Variants in RAB3C observed in about 807,000 individuals in gnomAD.
RAB3C encodes ras-related protein Rab-3C.
A neutral mutation model predicts 26.4 loss-of-function variants in RAB3C; 17 were observed. The ratio of observed to expected loss-of-function variants is 0.64; its 90% confidence interval spans 0.44 to 0.97. The LOEUF is 0.97. RAB3C is among the 50% of genes least tolerant of loss of function. The pLI, the probability that RAB3C is intolerant of heterozygous loss-of-function variation, is 0.00. For synonymous variants in RAB3C, 91 were observed against 95.9 expected, an observed-to-expected ratio of 0.95 and a Z score of 0.30; for missense variants, 242 against 281.9, an observed-to-expected ratio of 0.86 and a Z score of 1.01.
chr5:58,822,704 A>G (rs1305263998), intron 3 of RAB3C: 2 of 449,414 alleles, frequency 4.5e-6, no homozygotes, highest in South Asian at 4.0e-5. Context: ...ACTTATGCCC[A>G]TATAGAAGGG....
chr5:58,762,680 A>T (rs1429973735), intron 3 of RAB3C, among the ~76,000 whole-genome samples: 3 of 152,188 alleles, frequency 2.0e-5, no homozygotes, highest in Non-Finnish European at 4.4e-5. Context: ...GACAAGAGTG[A>T]AACTCCGTCT....
chr5:58,597,079 A>ATATAATACATT (rs1561260515), intron 1 of RAB3C, among the ~76,000 whole-genome samples: 1 of 6,562 alleles, frequency 1.5e-4, no homozygotes, highest in African/African-American at 1.1e-3. Flanking sequence ...ATTATATAAT[A>ATATAATACATT]ATATATAATA....
At chr5:58,780,382 G>A (rs1246898813) in intron 3 of RAB3C, among the ~76,000 whole-genome samples, 2 of 152,144 alleles carry the variant, frequency 1.3e-5, no homozygotes, top group Non-Finnish European at 2.9e-5. Context: ...GATAATAGGA[G>A]TGGCCCGGGG....
At chr5:58,792,858 A>G (rs1742560661) in intron 3 of RAB3C, among the ~76,000 whole-genome samples, 1 of 151,970 alleles carries the variant, frequency 6.6e-6, no homozygotes, top group African/African-American at 2.4e-5. Context: ...ATATATAATC[A>G]TTATATATGT....
chr5:58,680,527 G>T (rs1452968904), intron 2 of RAB3C, among the ~76,000 whole-genome samples: 1 of 152,136 alleles, frequency 6.6e-6, no homozygotes, highest in Non-Finnish European at 1.5e-5. Context: ...CAAACTTATG[G>T]CATAAAATAC....
At chr5:58,754,791 T>A (rs1156836808) in intron 3 of RAB3C, among the ~76,000 whole-genome samples, 1 of 152,114 alleles carries the variant, frequency 6.6e-6, no homozygotes, top group East Asian at 1.9e-4. Flanking sequence ...GCACACAGCA[T>A]CCTATCTACC....
rs998705276 is a variant in RAB3C at position 58,712,476 on chromosome 5, A to C, written c.253-13526A>C. Reference sequence around the variant, plus strand: ...AATTGTTTGGGATAAGTTAATAACTAGTTTTATTCTTGGTTTAAAACTGTC... The same window carrying C: ...AATTGTTTGGGATAAGTTAATAACTCGTTTTATTCTTGGTTTAAAACTGTC... On this transcript the variant is annotated intron_variant, in intron 2 of 4. Transcript: ENST00000282878. 3.9e-5 allele frequency among the ~76,000 whole-genome samples: 6 copies of C among 152,176 alleles called. No homozygotes were observed. In the South Asian group the frequency reaches 8.3e-4, roughly 21 times the overall value.
intron 3 of RAB3C, among the ~76,000 whole-genome samples, chr5:58,749,092 A>G (rs1741465374): frequency 6.6e-6 from 1 of 152,138 alleles, no homozygotes; most frequent in African/African-American, 2.4e-5. Flanking sequence ...TTGGGACACT[A>G]TGTACACAAG....
chr5:58,816,281 G>T (rs935700076), intron 3 of RAB3C, among the ~76,000 whole-genome samples: 5 of 152,046 alleles, frequency 3.3e-5, no homozygotes, highest in Non-Finnish European at 5.9e-5. Context: ...GCCAATAAAA[G>T]GTCTGTGTTC....
At chr5:58,690,502 G>T (rs1283704531) in intron 2 of RAB3C, among the ~76,000 whole-genome samples, 1 of 152,148 alleles carries the variant, frequency 6.6e-6, no homozygotes. Flanking sequence ...GACAGCTAGT[G>T]TTGGCTGCAA....
chr5:58,686,544 T>C (rs159001), intron 2 of RAB3C, among the ~76,000 whole-genome samples: 50,870 of 151,936 alleles, frequency 0.33, 8,853 homozygotes, highest in East Asian at 0.41. Flanking sequence ...AATAAAAATA[T>C]TAACAACTGG....
chr5:58,839,708 C>A (rs1479889126), intron 4 of RAB3C, among the ~76,000 whole-genome samples: 1 of 152,064 alleles, frequency 6.6e-6, no homozygotes, highest in East Asian at 1.9e-4. Flanking sequence ...ATTGCCTCTA[C>A]TAGGGAGTTT....
chr5:58,597,459 G>A (rs925924637), intron 1 of RAB3C, among the ~76,000 whole-genome samples: 1 of 117,198 alleles, frequency 8.5e-6, no homozygotes, highest in African/African-American at 3.2e-5. Flanking sequence ...ACAATACATA[G>A]TACATTATAT....
At chr5:58,752,086 T>G (rs561142202) in intron 3 of RAB3C, among the ~76,000 whole-genome samples, 2 of 152,288 alleles carry the variant, frequency 1.3e-5, no homozygotes, top group Non-Finnish European at 2.9e-5. Context: ...TTCTTTAACT[T>G]ATACTATGGC....
chr5:58,837,252 G>T (rs1235273204), intron 4 of RAB3C, among the ~76,000 whole-genome samples: 1 of 149,010 alleles, frequency 6.7e-6, no homozygotes, highest in African/African-American at 2.5e-5. Flanking sequence ...TGTGATATCG[G>T]CTCACTGCAG....
intron 3 of RAB3C, among the ~76,000 whole-genome samples, chr5:58,787,964 G>A (rs1742430713): frequency 6.6e-6 from 1 of 152,112 alleles, no homozygotes; most frequent in South Asian, 2.1e-4. Flanking sequence ...AAGAATAGGT[G>A]CTGCAGATAA....
chr5:58,757,800 G>A (rs1473459122), intron 3 of RAB3C, among the ~76,000 whole-genome samples: 1 of 152,162 alleles, frequency 6.6e-6, no homozygotes. Flanking sequence ...AATCTTGCCT[G>A]ATCTGATCTT....
intron 2 of RAB3C, among the ~76,000 whole-genome samples, chr5:58,635,289 T>G (rs573043181): frequency 6.6e-6 from 1 of 152,342 alleles, no homozygotes; most frequent in South Asian, 2.1e-4. Flanking sequence ...AAGACTGTCT[T>G]GTTTTGTCAA....
intron 3 of RAB3C, among the ~76,000 whole-genome samples, chr5:58,813,647 CACAT>C (rs1561139516): frequency 3.6e-5 from 5 of 138,378 alleles, no homozygotes; most frequent in African/African-American, 7.8e-5. Flanking sequence ...CACACACACA[CACAT>C]ATACATATGG....
Sources: gnomAD v4.1 joint callset for allele counts (sites outside exome capture counted in the v4.1 genomes callset) on GRCh38, gnomAD v4.1.1 for gene constraint, MANE v1.5 for transcripts, NCBI Gene and HGNC (gene_info 2026-07-23, HGNC 2026-07-21) for gene names.